The following LRRC9 variants were observed in gnomAD, a reference collection of about 807,000 sequenced individuals.
LRRC9 encodes the protein leucine-rich repeat-containing protein 9.
In LRRC9, 122 loss-of-function variants were observed where a neutral mutation model predicts 63.2. The observed-to-expected ratio is 1.93, with a 90% confidence interval of 1.67 to 2.24. The LOEUF (loss-of-function observed/expected upper bound fraction) is 2.24, where lower values mean the gene tolerates loss of function less well. Among genes scored for constraint, LRRC9 ranks in the 30% most tolerant of loss-of-function variants. The probability of loss-of-function intolerance (pLI) is 0.00; values close to 1 mark genes in which losing one functional copy is unlikely to be tolerated. For missense variants in LRRC9, 1,071 were observed against 627.7 expected (o/e 1.71, Z -7.55); for synonymous variants, 366 against 213.1 (o/e 1.72, Z -6.25).
rs768843996 is a variant in LRRC9 at position 59,938,235 on chromosome 14, C to T, written c.544-155C>T. Among the ~76,000 whole-genome samples the T allele has an allele frequency of 6.6e-6, 1 of 152,084 alleles. No individual in the cohort carries two copies. Among genetic ancestry groups the T allele is most frequent in the Non-Finnish European group, 1.5e-5 (1 of 67,998 alleles). On this transcript the variant is annotated intron_variant, in intron 6 of 31. Transcript: ENST00000445360. The surrounding 1 kb of genome is among the most constrained non-coding windows in gnomAD (Gnocchi z 4.2). ...TATTTTCTTCAGGAATTTAGCTTTTCAATAGAGAGAAACATTTTAGGCATC... is the reference window on the plus strand; with the variant it reads ...TATTTTCTTCAGGAATTTAGCTTTTTAATAGAGAGAAACATTTTAGGCATC...
At chr14:59,977,413 G>T in intron 14 of LRRC9, 66 bp downstream of exon 14, 2 of 538,430 alleles carry the variant, frequency 3.7e-6, no homozygotes, top group Non-Finnish European at 6.5e-6. Flanking sequence ...TGTTTAATAC[G>T]GATACTCACA....
At chr14:60,005,709 T>G (rs1889751883) in intron 21 of LRRC9, among the ~76,000 whole-genome samples, 1 of 152,100 alleles carries the variant, frequency 6.6e-6, no homozygotes, top group African/African-American at 2.4e-5. Flanking sequence ...TAAATTTTAG[T>G]ATGCCCGTTT....
chr14:59,991,305 T>C (rs982790608), intron 17 of LRRC9, among the ~76,000 whole-genome samples: 21 of 152,202 alleles, frequency 1.4e-4, no homozygotes, highest in African/African-American at 4.6e-4. Flanking sequence ...AAGTTGGTTC[T>C]ACTAAGTTGT....
In LRRC9 at chr14:59,927,693, AAAGGG is replaced by A. The variant is rs1033067587; in HGVS notation, c.-33-213_-33-209del. 1.3e-5 allele frequency among the ~76,000 whole-genome samples: 2 copies of A among 151,936 alleles called. No homozygotes were observed. Among genetic ancestry groups the A allele is most frequent in the African/African-American group, 4.8e-5 (2 of 41,422 alleles). On this transcript the variant is annotated intron_variant, in intron 1 of 31. Coordinates refer to ENST00000445360, the Ensembl canonical transcript of LRRC9. This position sits in a 1 kb window ranked among gnomAD's most constrained non-coding sequence, Gnocchi z 4.4. The stretch of plus-strand genomic sequence containing the variant: ...ATACCGAGGAGGTATACTGACAACA[AAAGGG>A]AAGGAATTATGGAGAGAGAGATTTA...
chr14:59,945,383 GT>G lies in LRRC9; in HGVS notation c.882+641del, dbSNP rs897401064. On this transcript the variant is annotated intron_variant, in intron 8 of 31. Transcript: ENST00000445360. ...AATAATGGATTATTCAACAAATGGTGTTACAAAAATAGTCAAACTATTTGGG... is the reference window on the plus strand; with the variant it reads ...AATAATGGATTATTCAACAAATGGTGTACAAAAATAGTCAAACTATTTGGG... Among the ~76,000 whole-genome samples, 40 of 151,872 alleles carry G rather than the reference GT, an allele frequency of 2.6e-4. 2 individuals carry two copies. The highest frequency in any genetic ancestry group is 9.2e-4 in the Admixed American group (14 of 15,264).
At chr14:60,018,773 G>A (rs1416841470) in intron 25 of LRRC9, among the ~76,000 whole-genome samples, 1 of 151,772 alleles carries the variant, frequency 6.6e-6, no homozygotes, top group Non-Finnish European at 1.5e-5. Context: ...CGGCCTTATT[G>A]CCTCCGTTAT....
At chr14:60,015,863 A>G (rs1265289534) in intron 23 of LRRC9, among the ~76,000 whole-genome samples, 2 of 152,132 alleles carry the variant, frequency 1.3e-5, no homozygotes, top group Non-Finnish European at 2.9e-5. Context: ...GCACTGGTGA[A>G]AGTCTAAGCA....
chr14:59,998,742 G>T (rs982303573), intron 18 of LRRC9, among the ~76,000 whole-genome samples: 2 of 151,954 alleles, frequency 1.3e-5, no homozygotes, highest in Non-Finnish European at 2.9e-5. Flanking sequence ...TTGCCAAATT[G>T]GATTGTCAAG....
chr14:60,054,326 T>A (rs926620373), intron 30 of LRRC9, among the ~76,000 whole-genome samples: 4 of 152,180 alleles, frequency 2.6e-5, no homozygotes, highest in African/African-American at 4.8e-5. Flanking sequence ...AATTTTAAAT[T>A]ATTATTTCTA....
intron 29 of LRRC9, among the ~76,000 whole-genome samples, chr14:60,032,528 G>T (rs2140332146): frequency 6.6e-6 from 1 of 152,214 alleles, no homozygotes; most frequent in South Asian, 2.1e-4. Context: ...TAATTGGAAT[G>T]ACATTCAATT....
chr14:60,041,639 C>T (rs543937614), intron 29 of LRRC9, among the ~76,000 whole-genome samples: 3 of 152,258 alleles, frequency 2.0e-5, no homozygotes, highest in East Asian at 1.9e-4. Flanking sequence ...GTTAGCCATT[C>T]GTCTAATCCT....
downstream of LRRC9, among the ~76,000 whole-genome samples, chr14:60,065,311 CA>C (rs1894857998): frequency 1.3e-5 from 2 of 150,672 alleles, no homozygotes; most frequent in African/African-American, 2.4e-5. Context: ...GACTCCATCT[CA>C]AAAAAAAATT....
Position 59,938,409 on chromosome 14 carries a change from G to C in LRRC9, c.563G>C (p.Arg188Thr). Residue 188 changes from arginine (R) to threonine (T), a missense_variant, in exon 7 of 32, where the codon AGG becomes ACG. Coordinates refer to ENST00000445360, the Ensembl canonical transcript of LRRC9. This position sits in a 1 kb window ranked among gnomAD's most constrained non-coding sequence, Gnocchi z 4.2. ...TTTTAGGAACTCACGAACTTAACCAGGCTGCCTTGCTTAAAGGATTTATGT... is the reference window on the plus strand; with the variant it reads ...TTTTAGGAACTCACGAACTTAACCACGCTGCCTTGCTTAAAGGATTTATGT... 1 of 688,770 alleles carries C rather than the reference G, an allele frequency of 1.5e-6. No individual in the cohort carries two copies. Among genetic ancestry groups the C allele is most frequent in the Non-Finnish European group, 2.6e-6 (1 of 379,076 alleles). 42.7% of individuals were successfully genotyped at this position (688,770 alleles called of 1,614,324 possible). A position where few individuals can be genotyped will look rare whatever the true frequency, so the allele number is the denominator to read the frequency against.
chr14:59,992,026 C>T (rs1262970871), intron 17 of LRRC9, among the ~76,000 whole-genome samples: 3 of 152,166 alleles, frequency 2.0e-5, no homozygotes, highest in African/African-American at 4.8e-5. Flanking sequence ...CAAGTGGGTC[C>T]CTGACCCCCG....
intron 29 of LRRC9, among the ~76,000 whole-genome samples, chr14:60,049,446 C>A (rs181021959): frequency 4.9e-4 from 74 of 152,298 alleles, no homozygotes; most frequent in Non-Finnish European, 8.5e-4. Context: ...GCAAGGCAGG[C>A]CTGGTGGTGA....
chr14:60,037,681 G>C (rs1408893730), intron 29 of LRRC9, among the ~76,000 whole-genome samples: 1 of 152,018 alleles, frequency 6.6e-6, no homozygotes, highest in East Asian at 1.9e-4. Context: ...TTGTCCGATA[G>C]GTAGATTGTA....
At chr14:60,063,598 T>A (rs145702283), downstream of LRRC9, 1 of 427,000 alleles carries the variant, frequency 2.3e-6, no homozygotes, top group Non-Finnish European at 4.2e-6. Flanking sequence ...AATTTCTATA[T>A]CATAAAAATC....
intron 1 of LRRC9, among the ~76,000 whole-genome samples, chr14:59,924,567 T>TA (rs1447282104): frequency 6.6e-6 from 1 of 152,154 alleles, no homozygotes; most frequent in East Asian, 1.9e-4. Context: ...CTCTCCCACT[T>TA]ACATTATTAC....
intron 7 of LRRC9, among the ~76,000 whole-genome samples, chr14:59,939,086 T>C (rs1037151322): frequency 1.4e-5 from 2 of 147,204 alleles, no homozygotes; most frequent in Admixed American, 1.4e-4. Flanking sequence ...TATATACACA[T>C]ATATACATAT....
Sources: gnomAD v4.1 joint callset for allele counts (sites outside exome capture counted in the v4.1 genomes callset) on GRCh38, gnomAD v4.1.1 for gene constraint, Gnocchi (gnomAD v3.1) non-coding constraint, MANE v1.5 for transcripts, NCBI Gene and HGNC (gene_info 2026-07-23, HGNC 2026-07-21) for gene names.